The following GRIK4 variants were observed in gnomAD, a reference collection of about 807,000 sequenced individuals.
GRIK4 encodes glutamate ionotropic receptor kainate type subunit 4.
A neutral mutation model predicts 104.9 loss-of-function variants in GRIK4; 40 were observed. The observed-to-expected ratio is 0.38, with a 90% CI of 0.30 to 0.50. The LOEUF is 0.50. GRIK4 is among the 20% of genes least tolerant of loss of function. The pLI is 0.93. For synonymous variants in GRIK4, 485 were observed against 524.9 expected (o/e 0.92, Z 1.04); for missense variants, 1,047 against 1,308.1 (o/e 0.80, Z 3.08).
At chr11:120,573,750 C>T (rs1361943847) in intron 1 of GRIK4, among the ~76,000 whole-genome samples, 1 of 151,908 alleles carries the variant, frequency 6.6e-6, no homozygotes, top group Non-Finnish European at 1.5e-5. Flanking sequence ...TGTGGATGGG[C>T]CTGACTCAAG....
chr11:120,552,835 A>C (rs375607909), intron 1 of GRIK4, among the ~76,000 whole-genome samples: 3 of 152,082 alleles, frequency 2.0e-5, no homozygotes, highest in East Asian at 3.9e-4. Flanking sequence ...CCCTGTCTCT[A>C]CTAAAAATAC....
intron 3 of GRIK4, 57 bp from the exon 4 acceptor site, chr11:120,802,636 G>A: frequency 6.9e-7 from 1 of 1,455,816 alleles, no homozygotes; most frequent in Non-Finnish European, 9.6e-7. Context: ...TGGAGAAGGA[G>A]GAGGGTAACA....
At chr11:120,785,010 G>A (rs145622099) in intron 3 of GRIK4, among the ~76,000 whole-genome samples, 111 of 152,266 alleles carry the variant, frequency 7.3e-4, no homozygotes, top group African/African-American at 2.6e-3. Flanking sequence ...GGCAGACCTT[G>A]CCTGGCATCT....
chr11:120,635,181 A>G (rs937404575), intron 1 of GRIK4, among the ~76,000 whole-genome samples: 1 of 152,194 alleles, frequency 6.6e-6, no homozygotes, highest in African/African-American at 2.4e-5. Context: ...GTCAGAGATC[A>G]TCTTGGGTTA....
intron 1 of GRIK4, among the ~76,000 whole-genome samples, chr11:120,574,380 C>T (rs144454733): frequency 3.7e-4 from 57 of 152,316 alleles, no homozygotes; most frequent in Non-Finnish European, 7.5e-4. Flanking sequence ...GTACCAGAGG[C>T]TGTGGTGACA....
intron 13 of GRIK4, among the ~76,000 whole-genome samples, chr11:120,915,797 C>T (rs911694998): frequency 6.6e-6 from 1 of 152,184 alleles, no homozygotes; most frequent in African/African-American, 2.4e-5. Flanking sequence ...GCTCTACACT[C>T]ATGAGTTAAT....
intron 9 of GRIK4, among the ~76,000 whole-genome samples, chr11:120,867,502 A>T (rs1439601761): frequency 6.6e-6 from 1 of 151,542 alleles, no homozygotes; most frequent in African/African-American, 2.4e-5. Flanking sequence ...CTCTCTCCAC[A>T]CGATGTTCCC....
chr11:120,826,715 G>A (rs912874596), intron 6 of GRIK4, among the ~76,000 whole-genome samples: 5 of 152,226 alleles, frequency 3.3e-5, no homozygotes, highest in African/African-American at 9.7e-5. Flanking sequence ...AGAAGCCTCA[G>A]CTGGCTCCTC....
In GRIK4 at chr11:120,940,862, TG is replaced by T. The variant is rs1258478565; in HGVS notation, c.1590+403del. ...TCTAGTGTTGCATTTGGCGAGGGAA[TG>T]TAGATTCCTTCTCTCTCGATGATCT... On this transcript the variant is annotated intron_variant, in intron 14 of 20. Coordinates refer to ENST00000527524, the MANE Select transcript of GRIK4 (RefSeq NM_014619.5). This position sits in a 1 kb window ranked among gnomAD's most constrained non-coding sequence, Gnocchi z 4.3. 2.6e-5 allele frequency among the ~76,000 whole-genome samples: 4 copies of T among 152,244 alleles called. No individual in the cohort carries two copies. Among genetic ancestry groups the T allele is most frequent in the African/African-American group, 9.6e-5 (4 of 41,466 alleles).
chr11:120,958,450 CAG>C (rs1944216270), intron 16 of GRIK4, among the ~76,000 whole-genome samples: 1 of 152,220 alleles, frequency 6.6e-6, no homozygotes, highest in Non-Finnish European at 1.5e-5. Flanking sequence ...AGCACACTAA[CAG>C]TTCCTAGTTC....
chr11:120,964,657 T>G (rs896401132), intron 18 of GRIK4, among the ~76,000 whole-genome samples: 1 of 152,190 alleles, frequency 6.6e-6, no homozygotes, highest in South Asian at 2.1e-4. Flanking sequence ...TGGGGTAAGA[T>G]AGACCACAAC....
At chr11:120,892,501 C>T (rs1296903235) in intron 11 of GRIK4, among the ~76,000 whole-genome samples, 3 of 151,990 alleles carry the variant, frequency 2.0e-5, no homozygotes, top group Non-Finnish European at 2.9e-5. Context: ...GGGTGAGGCT[C>T]GAGGAAATTA....
intron 3 of GRIK4, among the ~76,000 whole-genome samples, chr11:120,794,866 G>C (rs1175467496): frequency 2.0e-5 from 3 of 152,166 alleles, no homozygotes; most frequent in Non-Finnish European, 4.4e-5. Context: ...GAAGGCATGA[G>C]TTGGCGGCGG....
chr11:120,620,305 G>T, intron 1 of GRIK4: 1 of 674,194 alleles, frequency 1.5e-6, no homozygotes, highest in South Asian at 1.7e-5. Context: ...GCTTCCTCAG[G>T]AACTTTAGTA....
intron 1 of GRIK4, among the ~76,000 whole-genome samples, chr11:120,635,495 G>A (rs558710388): frequency 3.8e-4 from 58 of 152,340 alleles, no homozygotes; most frequent in African/African-American, 1.3e-3. Context: ...CCGGATGCCT[G>A]GTGATAGTTA....
intron 3 of GRIK4, among the ~76,000 whole-genome samples, chr11:120,780,713 T>C (rs948293690): frequency 1.3e-5 from 2 of 152,080 alleles, no homozygotes; most frequent in Non-Finnish European, 2.9e-5. Flanking sequence ...TATCCGGGGT[T>C]TTTTTTGTTT....
In GRIK4 at chr11:120,905,998, T is replaced by G. The variant is rs1942859958; in HGVS notation, c.1476+505T>G. ...TATTTTCGTACATCTTGTGTTATCT[T>G]TGGTTAGCGTTAATGTCCTTTTACA... On this transcript the variant is annotated intron_variant, in intron 13 of 20. Transcript: ENST00000527524. This position sits in a 1 kb window ranked among gnomAD's most constrained non-coding sequence, Gnocchi z 5.1. 6.6e-6 allele frequency among the ~76,000 whole-genome samples: 1 copy of G among 152,158 alleles called. No individual in the cohort carries two copies. The highest frequency in any genetic ancestry group is 1.5e-5 in the Non-Finnish European group (1 of 68,018).
intron 12 of GRIK4, among the ~76,000 whole-genome samples, chr11:120,899,497 T>G (rs1328896114): frequency 6.6e-6 from 1 of 151,880 alleles, no homozygotes; most frequent in Non-Finnish European, 1.5e-5. Flanking sequence ...ATTCAGTAAT[T>G]GCCAAGTTCA....
At chr11:120,699,147 G>A (rs961622946) in intron 3 of GRIK4, among the ~76,000 whole-genome samples, 5 of 152,010 alleles carry the variant, frequency 3.3e-5, no homozygotes, top group South Asian at 2.1e-4. Context: ...TCACAGCTGC[G>A]TGTGAGCCTC....
Sources: allele counts gnomAD v4.1 joint callset (sites outside exome capture counted in the v4.1 genomes callset), GRCh38; gene constraint gnomAD v4.1.1; non-coding constraint Gnocchi (gnomAD v3.1); transcripts MANE v1.5; gene names NCBI Gene and HGNC (gene_info 2026-07-23, HGNC 2026-07-21).